The following CDH4 variants were observed in gnomAD, a reference collection of about 807,000 sequenced individuals.
CDH4 encodes cadherin 4.
In CDH4, 33 loss-of-function variants were observed where a neutral mutation model predicts 86.0. That is an observed-to-expected ratio of 0.38 (90% CI 0.29 to 0.51). The LOEUF (loss-of-function observed/expected upper bound fraction) is 0.51. Ranked by LOEUF, CDH4 falls within the 20% of genes least tolerant of loss-of-function variation. CDH4 has a pLI of 0.86. For missense variants in CDH4, 1,114 were observed against 1,307.4 expected (o/e 0.85, Z 2.28); for synonymous variants, 555 against 549.4 (o/e 1.01, Z -0.14).
intron 2 of CDH4, among the ~76,000 whole-genome samples, chr20:61,474,193 C>T (rs946308176): frequency 3.5e-5 from 4 of 113,478 alleles, no homozygotes; most frequent in African/African-American, 1.4e-4. Context: ...TGGAGTCTGA[C>T]TCTGTTGCCC....
intron 2 of CDH4, among the ~76,000 whole-genome samples, chr20:61,390,206 GCGGT>G (rs2084974848): frequency 7.5e-6 from 1 of 133,130 alleles, no homozygotes. Flanking sequence ...TTGAGATCGT[GCGGT>G]CATAGGGTGC....
At chr20:61,606,211 G>A (rs574321456) in intron 2 of CDH4, among the ~76,000 whole-genome samples, 27 of 152,282 alleles carry the variant, frequency 1.8e-4, no homozygotes, top group African/African-American at 5.8e-4. Context: ...ATAGAAGGTG[G>A]CCAAGCAGAC....
At chr20:61,299,460 A>G (rs1023714784) in intron 2 of CDH4, among the ~76,000 whole-genome samples, 5 of 152,248 alleles carry the variant, frequency 3.3e-5, no homozygotes, top group Admixed American at 2.0e-4. Flanking sequence ...AAACTGACAC[A>G]TTGAAAATGG....
intron 2 of CDH4, among the ~76,000 whole-genome samples, chr20:61,656,267 G>A (rs1180240427): frequency 8.0e-5 from 11 of 136,844 alleles, no homozygotes; most frequent in South Asian, 2.4e-4. Flanking sequence ...GTGGGCAGGC[G>A]CGTGCTGGGG....
At chr20:61,910,330 C>T (rs1600763118) in intron 8 of CDH4, 92 bp from the exon 9 acceptor site, 2 of 1,125,380 alleles carry the variant, frequency 1.8e-6, no homozygotes, top group Non-Finnish European at 2.6e-6. Flanking sequence ...TGTTTGTGAA[C>T]ACTCGTTGAG....
Position 61,655,090 on chromosome 20 carries a change from T to A in CDH4, c.170-88473T>A, listed in dbSNP as rs116433859. Among the ~76,000 whole-genome samples, 316 of 152,366 alleles carry A rather than the reference T, an allele frequency of 2.1e-3. 1 individual carries two copies. Among genetic ancestry groups the A allele is most frequent in the African/African-American group, 7.0e-3 (290 of 41,576 alleles). ...TTGCTTGTTATCTTGACAAGGATAT[T>A]ACGTTTGTAACTATATTAATAGCAT... On this transcript the variant is annotated intron_variant, in intron 2 of 15. Transcript: ENST00000614565.
chr20:61,289,732 A>G (rs2084311779), intron 2 of CDH4, among the ~76,000 whole-genome samples: 1 of 133,750 alleles, frequency 7.5e-6, no homozygotes, highest in Non-Finnish European at 1.6e-5. Flanking sequence ...CCCGTATCCA[A>G]CGAGACTTGC....
rs190722125 is a variant in CDH4, at chr20:61,269,804, C to T, written c.169+14867C>T. Among the ~76,000 whole-genome samples, 36 of 152,072 alleles carry T rather than the reference C, an allele frequency of 2.4e-4. No homozygotes were observed. Among genetic ancestry groups the T allele is most frequent in the Admixed American group, 5.9e-4 (9 of 15,288 alleles). On this transcript the variant is annotated intron_variant, in intron 2 of 15. Coordinates refer to ENST00000614565, the MANE Select transcript of CDH4 (RefSeq NM_001794.5). This position sits in a 1 kb window ranked among gnomAD's most constrained non-coding sequence, Gnocchi z 5.3. ...AACCCCAGGCTCCAGAGGCTCCCGG[C>T]GGGGAGACTGTCAGATAGCAACTCC...
intron 2 of CDH4, among the ~76,000 whole-genome samples, chr20:61,280,393 G>T (rs772495234): frequency 6.6e-6 from 1 of 152,200 alleles, no homozygotes; most frequent in African/African-American, 2.4e-5. Context: ...CAAGGCGGGG[G>T]CGTGTGACGC....
At chr20:61,624,568 G>A (rs775432463) in intron 2 of CDH4, among the ~76,000 whole-genome samples, 1 of 152,242 alleles carries the variant, frequency 6.6e-6, no homozygotes, top group Non-Finnish European at 1.5e-5. Context: ...GCAGCCAGGA[G>A]ACCAAGCCTC....
chr20:61,745,308 T>C (rs947861007), intron 3 of CDH4, among the ~76,000 whole-genome samples: 1 of 152,138 alleles, frequency 6.6e-6, no homozygotes, highest in African/African-American at 2.4e-5. Flanking sequence ...CCCTTCTCCA[T>C]GGAAAGCTTG....
At chr20:61,319,751 C>T (rs1286936055) in intron 2 of CDH4, among the ~76,000 whole-genome samples, 1 of 151,452 alleles carries the variant, frequency 6.6e-6, no homozygotes, top group Admixed American at 6.6e-5. Context: ...TTCAAGACCA[C>T]CCTGGCCAAA....
chr20:61,620,858 T>G (rs2086771202), intron 2 of CDH4, among the ~76,000 whole-genome samples: 1 of 152,200 alleles, frequency 6.6e-6, no homozygotes, highest in South Asian at 2.1e-4. Flanking sequence ...CAAACAGGAA[T>G]GTCAAGCCCA....
intron 15 of CDH4, 71 bp from the exon 16 acceptor site, chr20:61,936,666 T>C: frequency 7.5e-7 from 1 of 1,325,816 alleles, no homozygotes; most frequent in Non-Finnish European, 1.0e-6. Context: ...TGGGCCTCGC[T>C]TTCCGTTCCA....
At chr20:61,672,126 A>G (rs1314581151) in intron 2 of CDH4, among the ~76,000 whole-genome samples, 3 of 150,188 alleles carry the variant, frequency 2.0e-5, no homozygotes, top group African/African-American at 7.4e-5. Context: ...GGCAGGTGAA[A>G]GGATGGATGA....
chr20:61,813,619 T>C (rs972172215), intron 4 of CDH4, among the ~76,000 whole-genome samples: 1 of 152,202 alleles, frequency 6.6e-6, no homozygotes, highest in African/African-American at 2.4e-5. Context: ...GTCGTTCTGC[T>C]GGCTCAGGGC....
intron 3 of CDH4, among the ~76,000 whole-genome samples, chr20:61,748,816 A>G (rs1420248585): frequency 6.8e-6 from 1 of 146,776 alleles, no homozygotes; most frequent in Non-Finnish European, 1.5e-5. Flanking sequence ...AAGAGTCATA[A>G]AAGTCTGTAA....
At chr20:61,601,026 G>A (rs191435279) in intron 2 of CDH4, among the ~76,000 whole-genome samples, 57 of 152,288 alleles carry the variant, frequency 3.7e-4, no homozygotes, top group South Asian at 3.5e-3. Flanking sequence ...GTGTTAGTCT[G>A]TTCTCGTGTT....
chr20:61,385,235 A>G (rs2084944382), intron 2 of CDH4, among the ~76,000 whole-genome samples: 1 of 152,062 alleles, frequency 6.6e-6, no homozygotes, highest in African/African-American at 2.4e-5. Flanking sequence ...CTAGGGTTTA[A>G]CCTTATACGG....
Sources: gnomAD v4.1 joint callset for allele counts (sites outside exome capture counted in the v4.1 genomes callset) on GRCh38, gnomAD v4.1.1 for gene constraint, Gnocchi (gnomAD v3.1) non-coding constraint, MANE v1.5 for transcripts, NCBI Gene and HGNC (gene_info 2026-07-23, HGNC 2026-07-21) for gene names.